RMST: variants seen among roughly 807,000 people sequenced by gnomAD.
RMST encodes rhabdomyosarcoma 2 associated transcript.
At chr12:97,523,376 G>T (rs1431662859) in intron 10 of RMST, among the ~76,000 whole-genome samples, 2 of 152,278 alleles carry the variant, frequency 1.3e-5, no homozygotes, top group East Asian at 1.9e-4. Flanking sequence ...AGTCAAGGGG[G>T]ACGAAGTTAT....
intron 5 of RMST, among the ~76,000 whole-genome samples, chr12:97,480,089 C>CTTTTTT (rs369247317): frequency 4.4e-5 from 4 of 90,992 alleles, no homozygotes; most frequent in African/African-American, 7.6e-5. Flanking sequence ...TTTCTTTTTT[C>CTTTTTT]TTTTTTTTTC....
chr12:97,533,531 A>G (rs1053685336), intron 11 of RMST: 6 of 151,872 alleles, frequency 4.0e-5, no homozygotes, highest in African/African-American at 1.4e-4. Flanking sequence ...AATTATTTGC[A>G]ATGCCATTTA....
intron 10 of RMST, among the ~76,000 whole-genome samples, chr12:97,498,345 G>A (rs546511178): frequency 2.0e-5 from 3 of 152,074 alleles, no homozygotes; most frequent in Admixed American, 6.6e-5. Flanking sequence ...GGACTGGTTC[G>A]CATTTCTGCT....
At chr12:97,525,697 T>TTTAACAAG in intron 10 of RMST, among the ~76,000 whole-genome samples, 1 of 152,146 alleles carries the variant, frequency 6.6e-6, no homozygotes, top group South Asian at 2.1e-4. Context: ...AAACAGTATA[T>TTTAACAAG]GCAAAAGCCT....
At chr12:97,562,715 C>T (rs1355468809) in intron 13 of RMST, among the ~76,000 whole-genome samples, 3 of 152,156 alleles carry the variant, frequency 2.0e-5, no homozygotes, top group African/African-American at 2.4e-5. Flanking sequence ...GTGCTTAAAT[C>T]ATTTGCATGT....
intron 11 of RMST, among the ~76,000 whole-genome samples, chr12:97,551,373 G>T (rs1369697612): frequency 6.6e-6 from 1 of 152,068 alleles, no homozygotes; most frequent in African/African-American, 2.4e-5. Flanking sequence ...GAAGCAAAAG[G>T]GAAATACTTA....
At chr12:97,555,605 G>T (rs1344883916) in intron 11 of RMST, among the ~76,000 whole-genome samples, 2 of 152,194 alleles carry the variant, frequency 1.3e-5, no homozygotes, top group African/African-American at 4.8e-5. Flanking sequence ...ATTCGGAATT[G>T]TTCACAGTCA....
intron 11 of RMST, among the ~76,000 whole-genome samples, chr12:97,538,328 T>C (rs1242684330): frequency 6.6e-6 from 1 of 151,452 alleles, no homozygotes; most frequent in Admixed American, 6.6e-5. Flanking sequence ...ACAGCCTTTT[T>C]TGTCTTTGGT....
At chr12:97,487,119 AAAGAT>A (rs1321871818) in intron 5 of RMST, among the ~76,000 whole-genome samples, 2 of 152,218 alleles carry the variant, frequency 1.3e-5, no homozygotes, top group Admixed American at 1.3e-4. Flanking sequence ...TCACCACAGA[AAAGAT>A]AAGTTTTGCA....
At chr12:97,512,144 G>C (rs529116490) in intron 10 of RMST, among the ~76,000 whole-genome samples, 2 of 152,212 alleles carry the variant, frequency 1.3e-5, no homozygotes, top group Admixed American at 6.5e-5. Context: ...TCGTGGTCTC[G>C]CTGGCTCAGG....
At chr12:97,485,776 TC>T (rs1876025383) in intron 5 of RMST, among the ~76,000 whole-genome samples, 1 of 152,240 alleles carries the variant, frequency 6.6e-6, no homozygotes, top group Non-Finnish European at 1.5e-5. Context: ...AAGAACTTTT[TC>T]CATCAAGGCG....
chr12:97,492,094 CAA>C (rs1186724362), intron 5 of RMST: 1 of 421,632 alleles, frequency 2.4e-6, no homozygotes, highest in Non-Finnish European at 5.2e-6. Context: ...TTTAGTGAAA[CAA>C]GAGCTTAAAT....
chr12:97,525,546 T>C (rs1189034890), intron 10 of RMST, among the ~76,000 whole-genome samples: 1 of 152,234 alleles, frequency 6.6e-6, no homozygotes, highest in Non-Finnish European at 1.5e-5. Context: ...AAGGATATAC[T>C]GTGAAGATTA....
intron 10 of RMST, among the ~76,000 whole-genome samples, chr12:97,509,308 G>A (rs1362459232): frequency 1.3e-5 from 2 of 152,122 alleles, no homozygotes; most frequent in African/African-American, 4.8e-5. Context: ...TACTGTTATT[G>A]AAATTTGTTG....
At chr12:97,523,905 A>G (rs533851031) in intron 10 of RMST, among the ~76,000 whole-genome samples, 10 of 151,658 alleles carry the variant, frequency 6.6e-5, no homozygotes, top group Admixed American at 2.0e-4. Flanking sequence ...GTGAAACCCC[A>G]TCTCTACTAA....
chr12:97,553,054 C>T (rs1883415963), intron 11 of RMST, among the ~76,000 whole-genome samples: 1 of 152,116 alleles, frequency 6.6e-6, no homozygotes, highest in Non-Finnish European at 1.5e-5. Context: ...GCTGGGGATA[C>T]ATTTTGTGAA....
At chr12:97,523,058 T>C (rs1880679413) in intron 10 of RMST, among the ~76,000 whole-genome samples, 1 of 152,160 alleles carries the variant, frequency 6.6e-6, no homozygotes, top group Non-Finnish European at 1.5e-5. Flanking sequence ...GAAGGTAAAA[T>C]ATTGTTACTG....
At chr12:97,529,569 C>A (rs1475015459) in intron 10 of RMST, among the ~76,000 whole-genome samples, 1 of 136,572 alleles carries the variant, frequency 7.3e-6, no homozygotes. Flanking sequence ...ATATAGAATT[C>A]TCTTTCAAAT....
chr12:97,547,467 A>G (rs1883023205), intron 11 of RMST, among the ~76,000 whole-genome samples: 1 of 152,042 alleles, frequency 6.6e-6, no homozygotes, highest in Non-Finnish European at 1.5e-5. Flanking sequence ...AGGAATCTTC[A>G]TACTGTTTTC....
Sources: gnomAD v4.1 joint callset for allele counts (sites outside exome capture counted in the v4.1 genomes callset) on GRCh38, gnomAD v4.1.1 for gene constraint, MANE v1.5 for transcripts, NCBI Gene and HGNC (gene_info 2026-07-23, HGNC 2026-07-21) for gene names.